Variants in VAV3 observed in about 807,000 individuals in gnomAD.
VAV3 encodes the protein guanine nucleotide exchange factor VAV3.
Under a neutral mutation model 131.2 loss-of-function variants are expected in VAV3, and 94 were observed. The observed-to-expected ratio is 0.72, with a 90% confidence interval of 0.61 to 0.85. The LOEUF is 0.85. Among genes scored for constraint, VAV3 ranks in the 40% least tolerant of loss-of-function variants. The pLI is 0.00. For missense variants in VAV3, 939 were observed against 1,002.7 expected, an observed-to-expected ratio of 0.94 and a Z score of 0.86; for synonymous variants, 349 against 342.0, an observed-to-expected ratio of 1.02 and a Z score of -0.22.
chr1:107,863,042 A>T (rs1342725866), intron 2 of VAV3, among the ~76,000 whole-genome samples: 1 of 152,134 alleles, frequency 6.6e-6, no homozygotes, highest in African/African-American at 2.4e-5. Flanking sequence ...AAAATAAAAC[A>T]TATCTACTCG....
chr1:107,636,594 A>G (rs977311946), intron 20 of VAV3, among the ~76,000 whole-genome samples: 1 of 152,166 alleles, frequency 6.6e-6, no homozygotes, highest in African/African-American at 2.4e-5. Flanking sequence ...ATACAACACA[A>G]AGTTTATTTT....
intron 19 of VAV3, among the ~76,000 whole-genome samples, chr1:107,673,066 A>T (rs1391009145): frequency 6.6e-6 from 1 of 152,220 alleles, no homozygotes; most frequent in Non-Finnish European, 1.5e-5. Context: ...AGCCATATGG[A>T]AAAGTATGTT....
At chr1:107,775,579 A>C (rs1430619073) in intron 4 of VAV3, among the ~76,000 whole-genome samples, 9 of 13,448 alleles carry the variant, frequency 6.7e-4, no homozygotes, top group African/African-American at 2.8e-3. Context: ...CTCAGTCACA[A>C]AAAAAAAAAA....
At chr1:107,739,837 T>A (rs190253613) in intron 15 of VAV3, among the ~76,000 whole-genome samples, 57 of 152,322 alleles carry the variant, frequency 3.7e-4, no homozygotes, top group African/African-American at 1.3e-3. Flanking sequence ...GCTCCCCCTC[T>A]GGCCAACTCT....
chr1:107,695,788 T>A (rs750955828), intron 17 of VAV3, among the ~76,000 whole-genome samples: 1 of 152,016 alleles, frequency 6.6e-6, no homozygotes, highest in Non-Finnish European at 1.5e-5. Context: ...TCAAGGAGGA[T>A]GATTAGCAGT....
intron 2 of VAV3, among the ~76,000 whole-genome samples, chr1:107,832,017 T>A (rs937643100): frequency 6.6e-6 from 1 of 151,408 alleles, no homozygotes; most frequent in Non-Finnish European, 1.5e-5. Context: ...GATCACAGGA[T>A]TGACTTAAAA....
At chr1:107,888,345 C>T (rs1671140557) in intron 1 of VAV3, among the ~76,000 whole-genome samples, 1 of 152,182 alleles carries the variant, frequency 6.6e-6, no homozygotes, top group Non-Finnish European at 1.5e-5. Flanking sequence ...AAACACGTAG[C>T]GCTAGACTAG....
At chr1:107,831,448 A>T (rs1012609684) in intron 2 of VAV3, among the ~76,000 whole-genome samples, 2 of 152,134 alleles carry the variant, frequency 1.3e-5, no homozygotes, top group African/African-American at 4.8e-5. Context: ...ATAAGTAGAA[A>T]TTTTTCTTCC....
chr1:107,690,878 G>A (rs928100304), intron 17 of VAV3, among the ~76,000 whole-genome samples: 7 of 152,246 alleles, frequency 4.6e-5, no homozygotes, highest in South Asian at 2.1e-4. Flanking sequence ...TCATGGATAC[G>A]GCATAGAGCT....
intron 2 of VAV3, among the ~76,000 whole-genome samples, chr1:107,796,701 A>G (rs1404014848): frequency 6.6e-6 from 1 of 151,980 alleles, no homozygotes; most frequent in Non-Finnish European, 1.5e-5. Flanking sequence ...TTTAACTCAC[A>G]AAATAAATTC....
At chr1:107,803,214 G>A (rs936354185) in intron 2 of VAV3, among the ~76,000 whole-genome samples, 4 of 151,570 alleles carry the variant, frequency 2.6e-5, no homozygotes, top group Non-Finnish European at 5.9e-5. Context: ...GTATTCATTT[G>A]GGCCTTCTCT....
intron 1 of VAV3, among the ~76,000 whole-genome samples, chr1:107,898,103 TA>T (rs71684098): frequency 3.5e-4 from 52 of 148,668 alleles, no homozygotes; most frequent in Non-Finnish European, 5.4e-4. Flanking sequence ...ATTATTAAAT[TA>T]AAAAAAAAAG....
At chr1:107,894,186 T>C (rs1671459943) in intron 1 of VAV3, among the ~76,000 whole-genome samples, 3 of 152,246 alleles carry the variant, frequency 2.0e-5, no homozygotes. Flanking sequence ...TTAAAGCTCA[T>C]ATTCCAAATA....
At chr1:107,611,568 T>C (rs1376023368) in intron 21 of VAV3, among the ~76,000 whole-genome samples, 1 of 148,096 alleles carries the variant, frequency 6.8e-6, no homozygotes, top group African/African-American at 2.5e-5. Flanking sequence ...TATATATTTA[T>C]TCTTAAACCA....
chr1:107,677,026 A>AT (rs1658260968), intron 19 of VAV3, among the ~76,000 whole-genome samples: 1 of 152,240 alleles, frequency 6.6e-6, no homozygotes, highest in East Asian at 1.9e-4. Context: ...AAAACGATCC[A>AT]TAAAAACAAT....
At chr1:107,790,679 C>CT (rs145926469) in intron 2 of VAV3, among the ~76,000 whole-genome samples, 796 of 69,838 alleles carry the variant, frequency 0.011, 143 homozygotes, top group African/African-American at 0.027. Flanking sequence ...AAATGTCTTC[C>CT]TTTTTTTTTT....
At chr1:107,627,027 A>T (rs1654072179) in intron 20 of VAV3, among the ~76,000 whole-genome samples, 1 of 152,158 alleles carries the variant, frequency 6.6e-6, no homozygotes, top group African/African-American at 2.4e-5. Flanking sequence ...AAAGGAAAAG[A>T]ATCCTTTGAA....
intron 2 of VAV3, among the ~76,000 whole-genome samples, chr1:107,822,662 AAATAAAT>A (rs763902302): frequency 0.25 from 4,592 of 18,292 alleles, 244 homozygotes; most frequent in African/African-American, 0.32. Context: ...CAAAAAAAAT[AAATAAAT>A]AAATAAATAA....
intron 15 of VAV3, among the ~76,000 whole-genome samples, chr1:107,720,453 T>TAA (rs11333111): frequency 1.5e-5 from 2 of 129,814 alleles, no homozygotes; most frequent in Non-Finnish European, 3.2e-5. Context: ...TTAATATTGC[T>TAA]AAAAAAAAAA....
Sources: gnomAD v4.1 joint callset for allele counts (sites outside exome capture counted in the v4.1 genomes callset) on GRCh38, gnomAD v4.1.1 for gene constraint, MANE v1.5 for transcripts, NCBI Gene and HGNC (gene_info 2026-07-23, HGNC 2026-07-21) for gene names.